Variants in UGT1A6 observed in about 807,000 individuals in gnomAD.
UGT1A6 encodes the protein UDP glucuronosyltransferase family 1 member A6.
In UGT1A6, 32 loss-of-function variants were observed where a neutral mutation model predicts 44.4. The ratio of observed to expected loss-of-function variants is 0.72; its 90% CI spans 0.54 to 0.97. The LOEUF (loss-of-function observed/expected upper bound fraction) is 0.97. UGT1A6 is among the 50% of genes least tolerant of loss of function. The pLI is 0.00. For synonymous variants in UGT1A6, 238 were observed against 248.5 expected, an observed-to-expected ratio of 0.96 and a Z score of 0.40; for missense variants, 685 against 661.9, an observed-to-expected ratio of 1.03 and a Z score of -0.38.
intron 1 of UGT1A6, chr2:233,743,739 T>C (rs377618743): frequency 7.3e-7 from 1 of 1,367,366 alleles, no homozygotes; most frequent in African/African-American, 1.5e-5. Flanking sequence ...TCGCGTTTCT[T>C]GGCGTCCGAC....
chr2:233,760,385 T>A (rs368348566), intron 1 of UGT1A6: 30 of 1,614,058 alleles, frequency 1.9e-5, no homozygotes, highest in Non-Finnish European at 2.5e-5. Flanking sequence ...ATACTGTTGA[T>A]CCCAGTGGAT....
chr2:233,737,590 T>C (rs2078898142), intron 1 of UGT1A6, among the ~76,000 whole-genome samples: 1 of 152,212 alleles, frequency 6.6e-6, no homozygotes, highest in Non-Finnish European at 1.5e-5. Context: ...CCCAATGAGA[T>C]GAACCAGGTA....
intron 1 of UGT1A6, chr2:233,747,088 C>A: frequency 2.5e-6 from 3 of 1,192,376 alleles, no homozygotes; most frequent in East Asian, 2.7e-5. Flanking sequence ...AGGAGGAGAG[C>A]ACTCTATCTT....
intron 1 of UGT1A6, among the ~76,000 whole-genome samples, chr2:233,714,483 T>C (rs2076389981): frequency 6.6e-6 from 1 of 152,204 alleles, no homozygotes; most frequent in Admixed American, 6.5e-5. Context: ...GAATGTTTCT[T>C]GTGAAGACAC....
chr2:233,751,985 A>C (rs1248686220), intron 1 of UGT1A6, among the ~76,000 whole-genome samples: 1 of 152,196 alleles, frequency 6.6e-6, no homozygotes, highest in Non-Finnish European at 1.5e-5. Flanking sequence ...ATGAATCTGC[A>C]TTTATTGAGA....
intron 1 of UGT1A6, among the ~76,000 whole-genome samples, chr2:233,720,300 G>A (rs2076846492): frequency 6.6e-6 from 1 of 152,266 alleles, no homozygotes. Context: ...GGAGTTGGGG[G>A]TCTGGTGTAT....
intron 1 of UGT1A6, among the ~76,000 whole-genome samples, chr2:233,734,079 A>C (rs1004495311): frequency 1.5e-4 from 23 of 152,156 alleles, no homozygotes; most frequent in African/African-American, 5.6e-4. Context: ...CACATTGTGC[A>C]CATGCACCCT....
intron 1 of UGT1A6, among the ~76,000 whole-genome samples, chr2:233,725,216 A>C (rs1559370373): frequency 4.4e-5 from 2 of 45,274 alleles, no homozygotes; most frequent in African/African-American, 2.5e-4. Flanking sequence ...AGGCAGAGGC[A>C]GAGGAGGCAG....
rs368834284 is a variant in UGT1A6 at position 233,743,991 on chromosome 2, G to A, written c.862-23043G>A. 42 of 1,251,932 alleles carry A rather than the reference G, an allele frequency of 3.4e-5. No individual in the cohort carries two copies. In the South Asian group the frequency reaches 3.7e-4, roughly 11 times the overall value. The allele number at this position is 1,251,932 out of a possible 1,614,324, so 77.6% of individuals were successfully genotyped here. On this transcript the variant is annotated intron_variant, in intron 1 of 4. Transcript: ENST00000305139. ...GCTGCCAGCACCCAGGCGCAGGCCC[G>A]AGTGCTCGGAGACCTGGGCCGCCTG...
At chr2:233,692,808 G>T, upstream of UGT1A6, 2 of 1,410,854 alleles carry the variant, frequency 1.4e-6, no homozygotes, top group South Asian at 1.5e-5. Flanking sequence ...GGCCATAGTT[G>T]GTTCATATTA....
In UGT1A6 at chr2:233,752,740, G is replaced by C. The variant is rs146813256; in HGVS notation, c.862-14294G>C. Among the ~76,000 whole-genome samples, 785 of 152,256 alleles carry C rather than the reference G, an allele frequency of 5.2e-3. 4 individuals are homozygous for C. Among genetic ancestry groups the C allele is most frequent in the Non-Finnish European group, 8.2e-3 (561 of 68,032 alleles). On this transcript the variant is annotated intron_variant, in intron 1 of 4. Coordinates refer to ENST00000305139, the MANE Select transcript of UGT1A6 (RefSeq NM_001072.4). ...GGCAACAGCTACAGAGAGAGACCCTGTCTCTAAAACAAACAAACAAACAAA... is the reference window on the plus strand; with the variant it reads ...GGCAACAGCTACAGAGAGAGACCCTCTCTCTAAAACAAACAAACAAACAAA...
At chr2:233,729,001 C>A in intron 1 of UGT1A6, 4 of 1,564,656 alleles carry the variant, frequency 2.6e-6, no homozygotes, top group Non-Finnish European at 3.5e-6. Flanking sequence ...TAGAGGAGGG[C>A]ACTCTGTCTT....
At chr2:233,719,608 T>C in intron 1 of UGT1A6, 1 of 1,614,074 alleles carries the variant, frequency 6.2e-7, no homozygotes, top group Non-Finnish European at 8.5e-7. Context: ...GACTTTGTGA[T>C]GGACTACCCC....
intron 1 of UGT1A6, among the ~76,000 whole-genome samples, chr2:233,733,320 C>T (rs2078379887): frequency 6.6e-6 from 1 of 152,134 alleles, no homozygotes; most frequent in African/African-American, 2.4e-5. Flanking sequence ...TGCCTGATTG[C>T]CCTGGCCAGA....
intron 1 of UGT1A6, among the ~76,000 whole-genome samples, chr2:233,766,608 C>T (rs2126027033): frequency 6.6e-6 from 1 of 152,314 alleles, no homozygotes; most frequent in South Asian, 2.1e-4. Context: ...ACCACACCCT[C>T]TTCTACCCAG....
At chr2:233,734,881 G>T (rs1413647330) in intron 1 of UGT1A6, among the ~76,000 whole-genome samples, 2 of 152,202 alleles carry the variant, frequency 1.3e-5, no homozygotes, top group Non-Finnish European at 2.9e-5. Flanking sequence ...CTGAGAGACA[G>T]TTTGTTGTGA....
chr2:233,746,306 G>A (rs1693354657), intron 1 of UGT1A6, among the ~76,000 whole-genome samples: 2 of 151,750 alleles, frequency 1.3e-5, no homozygotes, highest in Admixed American at 6.5e-5. Flanking sequence ...TTCCCTTGGA[G>A]GGCCCTGTAG....
intron 1 of UGT1A6, chr2:233,722,101 G>A: frequency 1.0e-5 from 2 of 200,878 alleles, no homozygotes; most frequent in Non-Finnish European, 1.0e-5. Context: ...AGGCCTCTTA[G>A]AGGAAGAGCT....
At chr2:233,728,554 T>C (rs2077726263) in intron 1 of UGT1A6, among the ~76,000 whole-genome samples, 1 of 152,200 alleles carries the variant, frequency 6.6e-6, no homozygotes, top group Non-Finnish European at 1.5e-5. Flanking sequence ...CTCTGATCCT[T>C]ACAAGAAATA....
Sources: allele counts gnomAD v4.1 joint callset (sites outside exome capture counted in the v4.1 genomes callset), GRCh38; gene constraint gnomAD v4.1.1; transcripts MANE v1.5; gene names NCBI Gene and HGNC (gene_info 2026-07-23, HGNC 2026-07-21).